Variants in CADM2 observed in about 807,000 individuals in gnomAD.
CADM2 encodes cell adhesion molecule 2, also known as immunoglobulin superfamily member 4D.
In CADM2, 12 loss-of-function variants were observed where a neutral mutation model predicts 49.8. The observed-to-expected ratio is 0.24, with a 90% CI of 0.15 to 0.39. CADM2 has a LOEUF of 0.39. Among genes scored for constraint, CADM2 ranks in the 10% least tolerant of loss-of-function variants. The pLI is 1.00. For missense variants in CADM2, 378 were observed against 492.3 expected, an observed-to-expected ratio of 0.77 and a Z score of 2.20; for synonymous variants, 214 against 175.4, an observed-to-expected ratio of 1.22 and a Z score of -1.74.
intron 1 of CADM2, among the ~76,000 whole-genome samples, chr3:85,715,015 A>G (rs910705159): frequency 6.6e-6 from 1 of 152,214 alleles, no homozygotes; most frequent in Non-Finnish European, 1.5e-5. Context: ...TATCAGTGGT[A>G]TAATATACAT....
chr3:85,634,981 G>T (rs2064420286), intron 1 of CADM2, among the ~76,000 whole-genome samples: 1 of 151,986 alleles, frequency 6.6e-6, no homozygotes, highest in Non-Finnish European at 1.5e-5. Context: ...AATAGAAATT[G>T]TAGCAGTTCC....
intron 1 of CADM2, among the ~76,000 whole-genome samples, chr3:85,401,524 G>C (rs1424235587): frequency 6.6e-6 from 1 of 152,104 alleles, no homozygotes; most frequent in African/African-American, 2.4e-5. Context: ...AGGGGTCACT[G>C]TGTCACCCCT....
At chr3:85,303,641 A>G (rs1465442648) in intron 1 of CADM2, among the ~76,000 whole-genome samples, 1 of 151,952 alleles carries the variant, frequency 6.6e-6, no homozygotes, top group Non-Finnish European at 1.5e-5. Flanking sequence ...CATATTCTTT[A>G]AGAAAAGAGA....
chr3:85,215,309 C>T (rs1402430974), intron 1 of CADM2, among the ~76,000 whole-genome samples: 1 of 136,378 alleles, frequency 7.3e-6, no homozygotes, highest in African/African-American at 2.8e-5. Context: ...TGGCATTCTA[C>T]TCTGGTTAAG....
intron 1 of CADM2, among the ~76,000 whole-genome samples, chr3:85,160,975 A>G (rs971322843): frequency 6.6e-6 from 1 of 152,166 alleles, no homozygotes; most frequent in Non-Finnish European, 1.5e-5. Context: ...TGTCAGAGGC[A>G]AAGAAAGCTT....
chr3:85,473,277 G>A (rs2107612991), intron 1 of CADM2, among the ~76,000 whole-genome samples: 1 of 151,990 alleles, frequency 6.6e-6, no homozygotes, highest in Non-Finnish European at 1.5e-5. Flanking sequence ...TAGCAGAAAT[G>A]CATCAATATT....
At chr3:86,059,078 A>G (rs1738322633) in intron 8 of CADM2, among the ~76,000 whole-genome samples, 1 of 144,226 alleles carries the variant, frequency 6.9e-6, no homozygotes, top group Non-Finnish European at 1.5e-5. Flanking sequence ...TGGGTGACAG[A>G]GCGAGACTCC....
At chr3:85,940,504 G>C (rs1435450970) in intron 7 of CADM2, among the ~76,000 whole-genome samples, 4 of 151,988 alleles carry the variant, frequency 2.6e-5, no homozygotes, top group Admixed American at 1.3e-4. Flanking sequence ...ATCATCTAGA[G>C]TGAAATATTG....
chr3:86,048,283 TG>T (rs1736910902), intron 8 of CADM2, among the ~76,000 whole-genome samples: 4 of 152,142 alleles, frequency 2.6e-5, no homozygotes, highest in African/African-American at 9.6e-5. Flanking sequence ...TACAGCCTTT[TG>T]AAAGTGCTCA....
At chr3:85,438,683 T>A (rs1424435828) in intron 1 of CADM2, among the ~76,000 whole-genome samples, 1 of 152,034 alleles carries the variant, frequency 6.6e-6, no homozygotes, top group African/African-American at 2.4e-5. Flanking sequence ...CCTTTTCCTT[T>A]CTTTTTTGAG....
chr3:85,844,073 A>T (rs1358253060), intron 3 of CADM2, among the ~76,000 whole-genome samples: 1 of 152,080 alleles, frequency 6.6e-6, no homozygotes, highest in Non-Finnish European at 1.5e-5. Context: ...AAGCTTTCTA[A>T]GCTTTAGTTT....
intron 1 of CADM2, among the ~76,000 whole-genome samples, chr3:85,701,695 A>G (rs1322186441): frequency 6.6e-6 from 1 of 152,136 alleles, no homozygotes; most frequent in East Asian, 1.9e-4. Context: ...TCATTTTCCT[A>G]GATGTCTCTG....
chr3:85,435,936 G>A (rs925634810), intron 1 of CADM2, among the ~76,000 whole-genome samples: 11 of 149,006 alleles, frequency 7.4e-5, no homozygotes, highest in African/African-American at 2.4e-4. Context: ...TTTGTCAGAT[G>A]GATAGATTGC....
intron 1 of CADM2, among the ~76,000 whole-genome samples, chr3:85,202,228 C>G (rs1424762424): frequency 6.6e-6 from 1 of 152,088 alleles, no homozygotes; most frequent in Non-Finnish European, 1.5e-5. Context: ...TTGACTTCCT[C>G]TCATGAATCA....
intron 1 of CADM2, among the ~76,000 whole-genome samples, chr3:85,081,968 C>CA (rs35686044): frequency 0.09 from 13,685 of 152,094 alleles, 1,134 homozygotes; most frequent in Admixed American, 0.26. Flanking sequence ...TAACTAATAT[C>CA]AAAAAAACTT....
chr3:85,218,571 G>T (rs766389448), intron 1 of CADM2, among the ~76,000 whole-genome samples: 37 of 152,154 alleles, frequency 2.4e-4, no homozygotes, highest in Non-Finnish European at 4.3e-4. Flanking sequence ...CCCGAGGTGG[G>T]TGGATCATGA....
intron 1 of CADM2, among the ~76,000 whole-genome samples, chr3:85,352,356 G>A (rs923076928): frequency 1.1e-4 from 16 of 152,008 alleles, no homozygotes; most frequent in African/African-American, 3.9e-4. Context: ...GGACTATCTT[G>A]CCAAATAAAA....
At chr3:85,505,008 A>G (rs1210726594) in intron 1 of CADM2, among the ~76,000 whole-genome samples, 2 of 152,034 alleles carry the variant, frequency 1.3e-5, no homozygotes, top group East Asian at 3.9e-4. Context: ...CCGGAACTCC[A>G]GCTGGCCCGG....
intron 3 of CADM2, among the ~76,000 whole-genome samples, chr3:85,863,265 G>T (rs2075603985): frequency 6.6e-6 from 1 of 152,088 alleles, no homozygotes; most frequent in Admixed American, 6.6e-5. Flanking sequence ...GGAATGTAAG[G>T]GATTGCTATG....
Sources: allele counts gnomAD v4.1 joint callset (sites outside exome capture counted in the v4.1 genomes callset), GRCh38; gene constraint gnomAD v4.1.1; transcripts MANE v1.5; gene names NCBI Gene and HGNC (gene_info 2026-07-23, HGNC 2026-07-21).